Variants in CEP128 observed in about 807,000 individuals in gnomAD.
The protein encoded by CEP128 is centrosomal protein 128, also known as centrosomal protein 128kDa.
In CEP128, 132 loss-of-function variants were observed where a neutral mutation model predicts 156.7. That is an observed-to-expected ratio of 0.84 (90% CI 0.73 to 0.97). CEP128 has a LOEUF of 0.97. Among genes scored for constraint, CEP128 ranks in the 50% least tolerant of loss-of-function variants. The pLI is 0.00. For missense variants in CEP128, 1,252 were observed against 1,281.9 expected (o/e 0.98, Z 0.36); for synonymous variants, 469 against 448.9 (o/e 1.04, Z -0.57).
At chr14:80,935,499 C>T (rs577959266) in intron 2 of CEP128, among the ~76,000 whole-genome samples, 171 of 150,350 alleles carry the variant, frequency 1.1e-3, no homozygotes, top group Non-Finnish European at 2.1e-3. Flanking sequence ...TGCAGTGAGC[C>T]GAGATTGCAC....
intron 9 of CEP128, among the ~76,000 whole-genome samples, chr14:80,845,537 A>G (rs1380080888): frequency 6.6e-6 from 1 of 152,166 alleles, no homozygotes; most frequent in Non-Finnish European, 1.5e-5. Flanking sequence ...ATGCAGGGCC[A>G]CTGAGTTAGG....
chr14:80,729,058 G>GGGTGTGTGTGTGTGTGT (rs1898141728), intron 19 of CEP128, among the ~76,000 whole-genome samples: 6 of 105,056 alleles, frequency 5.7e-5, no homozygotes, highest in African/African-American at 2.5e-4. Context: ...GGCTGGTGGG[G>GGGTGTGTGTGTGTGTGT]GTGTGTGTGT....
intron 24 of CEP128, among the ~76,000 whole-genome samples, chr14:80,500,172 A>G (rs144628865): frequency 2.6e-4 from 39 of 152,360 alleles, no homozygotes; most frequent in African/African-American, 9.4e-4. Context: ...CACTTCAGAG[A>G]CCACAAATTA....
chr14:80,513,739 A>T (rs1370777599), intron 23 of CEP128, among the ~76,000 whole-genome samples: 1 of 152,142 alleles, frequency 6.6e-6, no homozygotes, highest in East Asian at 1.9e-4. Context: ...ATATATCGTG[A>T]CTTACTTTCC....
At chr14:80,826,915 G>A (rs1885514224) in intron 13 of CEP128, among the ~76,000 whole-genome samples, 1 of 152,078 alleles carries the variant, frequency 6.6e-6, no homozygotes, top group Non-Finnish European at 1.5e-5. Flanking sequence ...AGGCTATCAA[G>A]GTTAATGAGG....
intron 19 of CEP128, among the ~76,000 whole-genome samples, chr14:80,640,450 T>C (rs1894360949): frequency 6.6e-6 from 1 of 152,182 alleles, no homozygotes; most frequent in African/African-American, 2.4e-5. Flanking sequence ...CCCTGCCAAC[T>C]TCTGAGTCCA....
At chr14:80,645,038 G>A (rs1384106488) in intron 19 of CEP128, among the ~76,000 whole-genome samples, 1 of 152,094 alleles carries the variant, frequency 6.6e-6, no homozygotes, top group Non-Finnish European at 1.5e-5. Context: ...AATTCTATGT[G>A]ACCTGGGCCA....
chr14:80,682,493 GAGAA>G (rs1270875188), intron 19 of CEP128, among the ~76,000 whole-genome samples: 1 of 152,170 alleles, frequency 6.6e-6, no homozygotes, highest in Non-Finnish European at 1.5e-5. Flanking sequence ...GAGAGTGAAG[GAGAA>G]AAAGTAAATA....
chr14:80,674,135 GT>G (rs1353482793), intron 19 of CEP128, among the ~76,000 whole-genome samples: 1 of 151,734 alleles, frequency 6.6e-6, no homozygotes, highest in Non-Finnish European at 1.5e-5. Context: ...AATCAGCAAA[GT>G]TTTAATCTGA....
At chr14:80,513,778 CA>C (rs1370205683) in intron 23 of CEP128, among the ~76,000 whole-genome samples, 5 of 152,128 alleles carry the variant, frequency 3.3e-5, no homozygotes, top group Non-Finnish European at 7.4e-5. Context: ...CAGTACAACA[CA>C]AGGAAGAAAA....
intron 2 of CEP128, among the ~76,000 whole-genome samples, chr14:80,921,099 T>A (rs1255114873): frequency 6.6e-6 from 1 of 152,214 alleles, no homozygotes; most frequent in Non-Finnish European, 1.5e-5. Flanking sequence ...GAACATTTAA[T>A]GACAAAGCAC....
At chr14:80,605,895 C>T (rs946295515) in intron 19 of CEP128, among the ~76,000 whole-genome samples, 1 of 151,640 alleles carries the variant, frequency 6.6e-6, no homozygotes, top group African/African-American at 2.4e-5. Context: ...TCAAAAACTA[C>T]CCAATTGGTA....
intron 18 of CEP128, among the ~76,000 whole-genome samples, chr14:80,750,244 A>G (rs1899319752): frequency 6.6e-6 from 1 of 152,202 alleles, no homozygotes; most frequent in Non-Finnish European, 1.5e-5. Context: ...TGCAAGCATA[A>G]TAATAAAATG....
chr14:80,856,041 T>A (rs539265733), intron 9 of CEP128, among the ~76,000 whole-genome samples: 1 of 152,292 alleles, frequency 6.6e-6, no homozygotes, highest in African/African-American at 2.4e-5. Flanking sequence ...TCCAAAAAAA[T>A]GAAGAAAAAT....
intron 19 of CEP128, among the ~76,000 whole-genome samples, chr14:80,643,483 T>C (rs12588381): frequency 0.35 from 53,720 of 151,674 alleles, 11,238 homozygotes; most frequent in African/African-American, 0.59. Context: ...CTTTGGGAGG[T>C]CAAGATGGGT....
intron 19 of CEP128, among the ~76,000 whole-genome samples, chr14:80,618,826 GC>G (rs1184651216): frequency 6.6e-6 from 1 of 152,118 alleles, no homozygotes; most frequent in East Asian, 1.9e-4. Flanking sequence ...CCTCAATCCA[GC>G]CCCAGAGATT....
At chr14:80,819,281 CTG>C (rs1448449906) in intron 13 of CEP128, among the ~76,000 whole-genome samples, 3 of 125,254 alleles carry the variant, frequency 2.4e-5, no homozygotes, top group African/African-American at 9.2e-5. Context: ...GAGTCTCACT[CTG>C]TCACCCAGGC....
intron 19 of CEP128, among the ~76,000 whole-genome samples, chr14:80,723,678 G>C (rs1350636306): frequency 6.6e-6 from 1 of 152,062 alleles, no homozygotes; most frequent in Non-Finnish European, 1.5e-5. Flanking sequence ...TTTGTTCATT[G>C]GCCAAACTTA....
chr14:80,633,261 A>G (rs1199528283), intron 19 of CEP128, among the ~76,000 whole-genome samples: 1 of 152,132 alleles, frequency 6.6e-6, no homozygotes, highest in Non-Finnish European at 1.5e-5. Context: ...AAACAAAACA[A>G]AACAAACTAG....
Sources: allele counts gnomAD v4.1 joint callset (sites outside exome capture counted in the v4.1 genomes callset), GRCh38; gene constraint gnomAD v4.1.1; transcripts MANE v1.5; gene names NCBI Gene and HGNC (gene_info 2026-07-23, HGNC 2026-07-21).